Variants in TTC1 observed in about 807,000 individuals in gnomAD.
TTC1 encodes tetratricopeptide repeat protein 1.
A neutral mutation model predicts 37.6 loss-of-function variants in TTC1; 31 were observed. The observed-to-expected ratio is 0.82, with a 90% CI of 0.62 to 1.11. TTC1 has a LOEUF of 1.11. Ranked by LOEUF, TTC1 falls within the 50% of genes most tolerant of loss-of-function variation. The pLI is 0.00. For synonymous variants in TTC1, 127 were observed against 122.4 expected (o/e 1.04, Z -0.25); for missense variants, 351 against 339.0 (o/e 1.04, Z -0.28).
At chr5:160,021,091 G>A (rs1315999937) in intron 2 of TTC1, among the ~76,000 whole-genome samples, 1 of 152,154 alleles carries the variant, frequency 6.6e-6, no homozygotes, top group Non-Finnish European at 1.5e-5. Flanking sequence ...AGGTCACTTT[G>A]TGTAGATCAG....
At chr5:160,023,124 T>C (rs1267056778) in intron 2 of TTC1, among the ~76,000 whole-genome samples, 1 of 151,944 alleles carries the variant, frequency 6.6e-6, no homozygotes, top group African/African-American at 2.4e-5. Context: ...GGCCTGGTGG[T>C]GTGCGCCTAT....
chr5:160,037,917 G>A (rs896847704), intron 4 of TTC1, among the ~76,000 whole-genome samples: 6 of 151,770 alleles, frequency 4.0e-5, no homozygotes, highest in Non-Finnish European at 7.4e-5. Context: ...GTTTTCATTT[G>A]TTTGTTTAGA....
intron 2 of TTC1, among the ~76,000 whole-genome samples, chr5:160,034,132 T>C: frequency 6.6e-6 from 1 of 151,842 alleles, no homozygotes; most frequent in Admixed American, 6.6e-5. Flanking sequence ...ATCTCTTTTT[T>C]TTTTTTTTTT....
intron 7 of TTC1, among the ~76,000 whole-genome samples, chr5:160,060,526 G>C (rs1382851521): frequency 6.6e-6 from 1 of 152,160 alleles, no homozygotes; most frequent in Admixed American, 6.6e-5. Flanking sequence ...GGTGCCACCT[G>C]TGCTGTAGGT....
chr5:160,028,948 A>G (rs564532912), intron 2 of TTC1, among the ~76,000 whole-genome samples: 1 of 152,376 alleles, frequency 6.6e-6, no homozygotes, highest in Admixed American at 6.5e-5. Flanking sequence ...AAACAAGTTA[A>G]CATAACAATC....
chr5:160,027,360 GAA>G (rs568857872), intron 2 of TTC1, among the ~76,000 whole-genome samples: 7 of 152,162 alleles, frequency 4.6e-5, no homozygotes, highest in Non-Finnish European at 1.0e-4. Flanking sequence ...TAATTTCAGT[GAA>G]ATATATTGAT....
intron 2 of TTC1, among the ~76,000 whole-genome samples, chr5:160,031,686 C>T (rs183802210): frequency 2.0e-5 from 3 of 152,162 alleles, no homozygotes; most frequent in Admixed American, 2.0e-4. Flanking sequence ...GCTACCTCAA[C>T]TTTCAGTCCT....
chr5:160,051,989 A>C (rs1446225135), intron 7 of TTC1, among the ~76,000 whole-genome samples: 3 of 152,288 alleles, frequency 2.0e-5, no homozygotes, highest in African/African-American at 7.2e-5. Flanking sequence ...TGGCCTTCAG[A>C]CATCAGCATC....
intron 4 of TTC1, among the ~76,000 whole-genome samples, chr5:160,040,352 A>G (rs555941271): frequency 1.3e-5 from 2 of 152,284 alleles, no homozygotes; most frequent in Admixed American, 6.5e-5. Flanking sequence ...TCAGTGAGTG[A>G]GTGGTGAGTG....
chr5:160,024,121 C>T, intron 2 of TTC1: 2 of 697,362 alleles, frequency 2.9e-6, no homozygotes. Flanking sequence ...GTGTACATAG[C>T]ACAGTGCCTA....
chr5:160,015,910 A>G (rs76521567), intron 2 of TTC1, among the ~76,000 whole-genome samples: 12,874 of 152,230 alleles, frequency 0.085, 718 homozygotes, highest in Admixed American at 0.18. Context: ...ACAGAACTGA[A>G]TTGAATTATA....
At chr5:160,020,708 T>C (rs543896491) in intron 2 of TTC1, among the ~76,000 whole-genome samples, 1 of 152,326 alleles carries the variant, frequency 6.6e-6, no homozygotes, top group African/African-American at 2.4e-5. Context: ...GCCTGCTCCT[T>C]ACAAGAATCT....
chr5:160,032,732 T>TTTTTGTGTTG (rs1207990508), intron 2 of TTC1, among the ~76,000 whole-genome samples: 1 of 140,110 alleles, frequency 7.1e-6, no homozygotes, highest in African/African-American at 2.7e-5. Context: ...TTTTTTTTTT[T>TTTTTGTGTTG]GAGACGGAGT....
At chr5:160,062,306 A>C (rs923784626) in intron 7 of TTC1, among the ~76,000 whole-genome samples, 1 of 152,224 alleles carries the variant, frequency 6.6e-6, no homozygotes, top group African/African-American at 2.4e-5. Flanking sequence ...CCTTTAGTGC[A>C]GACCAGCCTA....
intron 2 of TTC1, among the ~76,000 whole-genome samples, 176 bp downstream of exon 2, chr5:160,011,034 G>C (rs1314831459): frequency 6.6e-6 from 1 of 152,156 alleles, no homozygotes; most frequent in Non-Finnish European, 1.5e-5. Context: ...GGAAGCACTT[G>C]AGTGTGTCTG....
At chr5:160,063,225 G>A (rs893507438) in intron 7 of TTC1, among the ~76,000 whole-genome samples, 1 of 152,146 alleles carries the variant, frequency 6.6e-6, no homozygotes, top group Non-Finnish European at 1.5e-5. Flanking sequence ...CCTGTAAAAT[G>A]TAAAGGCCAT....
intron 5 of TTC1, among the ~76,000 whole-genome samples, chr5:160,046,832 T>G (rs1757261622): frequency 6.6e-6 from 1 of 152,056 alleles, no homozygotes; most frequent in African/African-American, 2.4e-5. Flanking sequence ...ATCATTATGG[T>G]GAAACCCTGT....
At chr5:160,016,734 A>G (rs1039600746) in intron 2 of TTC1, among the ~76,000 whole-genome samples, 1 of 152,366 alleles carries the variant, frequency 6.6e-6, no homozygotes. Context: ...CCCTACCACA[A>G]AAGCACATGA....
chr5:160,024,885 G>C (rs1448051777), intron 2 of TTC1, among the ~76,000 whole-genome samples: 1 of 152,036 alleles, frequency 6.6e-6, no homozygotes, highest in Admixed American at 6.5e-5. Flanking sequence ...CCAGGCTGGG[G>C]TGCAGTGGCA....
Sources: allele counts gnomAD v4.1 joint callset (sites outside exome capture counted in the v4.1 genomes callset), GRCh38; gene constraint gnomAD v4.1.1; transcripts MANE v1.5; gene names NCBI Gene and HGNC (gene_info 2026-07-23, HGNC 2026-07-21).